The following KIF5B variants were observed in gnomAD, a reference collection of about 807,000 sequenced individuals.
The protein encoded by KIF5B is kinesin-1 heavy chain.
Under a neutral mutation model 132.8 loss-of-function variants are expected in KIF5B, and 49 were observed. The ratio of observed to expected loss-of-function variants is 0.37; its 90% CI spans 0.29 to 0.47. The LOEUF is 0.47. Ranked by LOEUF, KIF5B falls within the 20% of genes least tolerant of loss-of-function variation. The probability of loss-of-function intolerance (pLI) is 1.00; values close to 1 mark genes in which losing one functional copy is unlikely to be tolerated. For synonymous variants in KIF5B, 355 were observed against 369.4 expected (o/e 0.96, Z 0.45); for missense variants, 780 against 1,144.0 (o/e 0.68, Z 4.59).
At chr10:32,021,187 GATT>G in intron 18 of KIF5B, 36 bp downstream of exon 18, 1 of 1,595,052 alleles carries the variant, frequency 6.3e-7, no homozygotes, top group Non-Finnish European at 8.6e-7. Flanking sequence ...AATTAATACT[GATT>G]AATTAAAGCT....
chr10:32,018,306 GTTACA>G lies in KIF5B; in HGVS notation c.2439+5_2439+9del. On this transcript the variant is annotated splice_donor_5th_base_variant and intron_variant, in intron 22 of 25. Coordinates refer to ENST00000302418, the MANE Select transcript of KIF5B (RefSeq NM_004521.3). ...TTATGCAAACGCCTACCTCGGCATA[GTTACA>G]TTACCTTTTTAACTCTTGTAGCCAG... 1 of 1,500,398 alleles carries G rather than the reference GTTACA, an allele frequency of 6.7e-7. No individual in the cohort carries two copies. Among genetic ancestry groups the G allele is most frequent in the Non-Finnish European group, 8.9e-7 (1 of 1,125,432 alleles). 92.9% of individuals were successfully genotyped at this position (1,500,398 alleles called of 1,614,324 possible).
At position 32,021,271 on chromosome 10, in the gene KIF5B, C is replaced by T; in HGVS notation, c.2049G>A (p.Met683Ile). The T allele has an allele frequency of 1.2e-6, 2 of 1,612,108 alleles. No individual in the cohort carries two copies. Among genetic ancestry groups the T allele is most frequent in the Non-Finnish European group, 1.7e-6 (2 of 1,178,612 alleles). The stretch of plus-strand genomic sequence containing the variant: ...GAACCTTATTTAAGTGCTCCTTTTC[C>T]ATTTCATGGACTTTCTCTGTTTGAA... ...QLRAQEKVHEMEKEHLNKVQT... is the reference protein window; with the variant it reads ...QLRAQEKVHEIEKEHLNKVQT... Residue 683 changes from methionine to isoleucine, a missense_variant, in exon 18 of 26, where the codon ATG (methionine) becomes ATA (isoleucine). Transcript: ENST00000302418.
At chr10:32,017,047 G>A (rs937576958) in intron 24 of KIF5B, 96 bp downstream of exon 24, 14 of 957,678 alleles carry the variant, frequency 1.5e-5, no homozygotes, top group Admixed American at 3.6e-5. Flanking sequence ...AGAGACAGAT[G>A]CACCATGACA....
chr10:32,024,066 A>AC (rs1296172852), intron 15 of KIF5B, among the ~76,000 whole-genome samples: 15 of 100,864 alleles, frequency 1.5e-4, no homozygotes, highest in African/African-American at 2.3e-4. Context: ...AAAAAAAACA[A>AC]AAAAAAAAAA....
At chr10:32,034,341 A>C (rs1841438051) in intron 11 of KIF5B, among the ~76,000 whole-genome samples, 1 of 152,006 alleles carries the variant, frequency 6.6e-6, no homozygotes, top group African/African-American at 2.4e-5. Flanking sequence ...CTAACTCCTG[A>C]CCTCAAGTGA....
At chr10:32,029,065 G>T (rs1841366288) in intron 14 of KIF5B, among the ~76,000 whole-genome samples, 2 of 152,194 alleles carry the variant, frequency 1.3e-5, no homozygotes, top group Non-Finnish European at 2.9e-5. Context: ...CCAGGAGCTA[G>T]TGTTAAAGTA....
chr10:32,035,816 C>T (rs1400146938), intron 9 of KIF5B, 74 bp downstream of exon 9: 18 of 1,337,786 alleles, frequency 1.3e-5, no homozygotes, highest in Non-Finnish European at 1.8e-5. Context: ...CATACACACC[C>T]AGGCACACAT....
At chr10:32,043,532 C>CGGCAGAGAG (rs1471411083) in intron 2 of KIF5B, among the ~76,000 whole-genome samples, 1 of 152,044 alleles carries the variant, frequency 6.6e-6, no homozygotes, top group Non-Finnish European at 1.5e-5. Context: ...GTGAATACAG[C>CGGCAGAGAG]GGCAGAGAGT....
At chr10:32,040,504 G>T in intron 2 of KIF5B, 47 bp from the exon 3 acceptor site, 2 of 1,072,156 alleles carry the variant, frequency 1.9e-6, no homozygotes, top group Non-Finnish European at 2.9e-6. Flanking sequence ...CCTTAAGCAA[G>T]ATTCCTAAGA....
chr10:32,032,828 T>C (rs1218842899), intron 12 of KIF5B, 54 bp from the exon 13 acceptor site: 4 of 1,337,322 alleles, frequency 3.0e-6, no homozygotes, highest in Non-Finnish European at 4.3e-6. Context: ...GTTCTAGTTG[T>C]TTCCCAATAC....
intron 3 of KIF5B, among the ~76,000 whole-genome samples, chr10:32,039,845 C>A (rs1350017726): frequency 6.6e-6 from 1 of 152,132 alleles, no homozygotes; most frequent in East Asian, 1.9e-4. Context: ...AAGAAGCAGT[C>A]ATTTACTTAA....
intron 12 of KIF5B, among the ~76,000 whole-genome samples, chr10:32,033,194 T>G (rs777441548): frequency 2.6e-5 from 4 of 152,286 alleles, no homozygotes; most frequent in Non-Finnish European, 5.9e-5. Flanking sequence ...CATCTTTTAT[T>G]GGAGTCTTCA....
At chr10:32,017,949 TA>T in intron 23 of KIF5B, 102 bp downstream of exon 23, 1 of 562,596 alleles carries the variant, frequency 1.8e-6, no homozygotes, top group Non-Finnish European at 3.1e-6. Context: ...GCTCAGGGTA[TA>T]AAAATTCCTG....
intron 19 of KIF5B, among the ~76,000 whole-genome samples, chr10:32,020,402 A>G (rs568662846): frequency 6.6e-6 from 1 of 152,240 alleles, no homozygotes; most frequent in South Asian, 2.1e-4. Context: ...AAACCTTTGA[A>G]AATCCATAGA....
chr10:32,024,180 A>G (rs1339981539), intron 15 of KIF5B, among the ~76,000 whole-genome samples: 2 of 90,060 alleles, frequency 2.2e-5, no homozygotes, highest in African/African-American at 4.4e-5. Flanking sequence ...TTTGAGACGG[A>G]GTCTCGCTCT....
In KIF5B at chr10:32,040,378, C is replaced by T. The variant is rs763025131; in HGVS notation, c.288+6G>A. On this transcript the variant is annotated splice_donor_region_variant and intron_variant, in intron 3 of 25. Transcript: ENST00000302418. Reference sequence around the variant, plus strand: ...CCACATCTAAGTACAGATTATAAAACGTTACCTCCATTGTGTGTGTCTTCC... The same window carrying T: ...CCACATCTAAGTACAGATTATAAAATGTTACCTCCATTGTGTGTGTCTTCC... 6 of 1,551,688 alleles carry T rather than the reference C, an allele frequency of 3.9e-6. No homozygotes were observed. In the East Asian group the frequency reaches 6.7e-5, roughly 17 times the overall value.
rs1340662636 is a variant in KIF5B at position 32,017,183 on chromosome 10, C to T, written c.2721G>A (p.Arg907=). 2 of 1,614,232 alleles carry T rather than the reference C, an allele frequency of 1.2e-6. No individual in the cohort carries two copies. Among genetic ancestry groups the T allele is most frequent in the East Asian group, 4.5e-5 (2 of 44,886 alleles). ...QEVDRIKEAV[R]SKNMARRGHS... ...GCCCTCTTCTGGCCATATTCTTTGA[C>T]CTGACTGCTTCCTTTATGCGATCTA... The change falls in exon 24 of 26, where the codon AGG becomes AGA. Residue 907 remains arginine, a synonymous_variant. Coordinates refer to ENST00000302418, the MANE Select transcript of KIF5B (RefSeq NM_004521.3).
chr10:32,037,699 G>A, intron 6 of KIF5B, 92 bp from the exon 7 acceptor site: 1 of 882,766 alleles, frequency 1.1e-6, no homozygotes, highest in Non-Finnish European at 1.8e-6. Context: ...CGGGCGCGGT[G>A]GCGGGTGCCT....
At chr10:32,026,631 T>C (rs1177403659) in intron 15 of KIF5B, among the ~76,000 whole-genome samples, 6 of 151,884 alleles carry the variant, frequency 4.0e-5, no homozygotes, top group African/African-American at 1.5e-4. Context: ...TCATGGAACC[T>C]GGATTTCATC....
Sources: allele counts gnomAD v4.1 joint callset (sites outside exome capture counted in the v4.1 genomes callset), GRCh38; gene constraint gnomAD v4.1.1; transcripts MANE v1.5; gene names NCBI Gene and HGNC (gene_info 2026-07-23, HGNC 2026-07-21).